The following LEPR variants were observed in gnomAD, a reference collection of about 807,000 sequenced individuals.
LEPR encodes leptin receptor.
Under a neutral mutation model 114.7 loss-of-function variants are expected in LEPR, and 56 were observed. The ratio of observed to expected loss-of-function variants is 0.49; its 90% CI spans 0.39 to 0.61. The LOEUF (loss-of-function observed/expected upper bound fraction) is 0.61, where lower values mean the gene tolerates loss of function less well. LEPR is among the 20% of genes least tolerant of loss of function. The pLI is 0.00. For synonymous variants in LEPR, 443 were observed against 461.4 expected, an observed-to-expected ratio of 0.96 and a Z score of 0.51; for missense variants, 1,202 against 1,352.9, an observed-to-expected ratio of 0.89 and a Z score of 1.75.
chr1:65,518,855 T>TTTTC (rs796456090), intron 2 of LEPR, among the ~76,000 whole-genome samples: 15 of 144,430 alleles, frequency 1.0e-4, no homozygotes, highest in South Asian at 2.3e-4. Context: ...TCTTTTTCTC[T>TTTTC]TTTCTTTCTT....
intron 2 of LEPR, among the ~76,000 whole-genome samples, chr1:65,531,802 GCCTTCCTC>G (rs1650421439): frequency 6.6e-6 from 1 of 151,650 alleles, no homozygotes. Flanking sequence ...CTTCCTTCCT[GCCTTCCTC>G]CCTTCCTTCT....
chr1:65,426,358 A>C (rs1236375720), intron 2 of LEPR, among the ~76,000 whole-genome samples: 4 of 152,170 alleles, frequency 2.6e-5, no homozygotes, highest in African/African-American at 9.7e-5. Context: ...TTAGGGCTCT[A>C]TATGCCTGCC....
chr1:65,482,259 A>G (rs983499359), intron 2 of LEPR, among the ~76,000 whole-genome samples: 1 of 152,164 alleles, frequency 6.6e-6, no homozygotes, highest in African/African-American at 2.4e-5. Context: ...GAATTTGTAG[A>G]CAAAATATTT....
chr1:65,546,759 G>T (rs1651768019), intron 2 of LEPR, among the ~76,000 whole-genome samples: 1 of 152,148 alleles, frequency 6.6e-6, no homozygotes. Context: ...TGCAAACAGG[G>T]ACAATTTGAC....
chr1:65,429,688 T>G (rs1159240961), intron 2 of LEPR, among the ~76,000 whole-genome samples: 1 of 152,232 alleles, frequency 6.6e-6, no homozygotes, highest in Non-Finnish European at 1.5e-5. Flanking sequence ...ATTTTAAAAT[T>G]ATCACTACTT....
chr1:65,604,910 C>A, intron 10 of LEPR, 128 bp from the exon 11 acceptor site: 3 of 1,123,936 alleles, frequency 2.7e-6, no homozygotes, highest in Non-Finnish European at 3.8e-6. Context: ...AATTGTCTTC[C>A]ATGAAACCGG....
chr1:65,453,150 T>C (rs1448367394), intron 2 of LEPR, among the ~76,000 whole-genome samples: 1 of 152,216 alleles, frequency 6.6e-6, no homozygotes, highest in Non-Finnish European at 1.5e-5. Context: ...TTTTATTGCG[T>C]CTATTAGATT....
At chr1:65,509,038 T>A (rs1188041267) in intron 2 of LEPR, among the ~76,000 whole-genome samples, 1 of 152,210 alleles carries the variant, frequency 6.6e-6, no homozygotes, top group Non-Finnish European at 1.5e-5. Context: ...GTTAATTTTG[T>A]ATCCTGCAAC....
intron 19 of LEPR, chr1:65,629,399 T>G (rs1658399377): frequency 2.3e-6 from 1 of 440,856 alleles, no homozygotes; most frequent in Admixed American, 2.5e-5. Flanking sequence ...GAAAAACTAA[T>G]AAACTGAATT....
At chr1:65,526,284 T>C (rs2100597738) in intron 2 of LEPR, 1 of 985,356 alleles carries the variant, frequency 1.0e-6, no homozygotes, top group South Asian at 4.7e-5. Flanking sequence ...CAGCTTTTGT[T>C]TCCCACCTCC....
Position 65,526,518 on chromosome 1 carries a change from G to C in LEPR, c.-20-39028G>C, listed in dbSNP as rs1462663155. ...GTTTGCAAACAGATTAGAATTCTGG[G>C]CTCTTGTCAGCCTAATGGAGTTCTT... On this transcript the variant is annotated intron_variant, in intron 2 of 19. Transcript: ENST00000349533. 5 of 710,900 alleles carry C rather than the reference G, an allele frequency of 7.0e-6. No homozygotes were observed. The African/African-American group carries it at 9.7e-5, about 14-fold the overall frequency. The allele number at this position is 710,900 out of a possible 1,614,324, so 44.0% of individuals were successfully genotyped here.
intron 2 of LEPR, among the ~76,000 whole-genome samples, chr1:65,505,740 G>A (rs935948533): frequency 7.9e-6 from 1 of 127,158 alleles, no homozygotes; most frequent in African/African-American, 3.0e-5. Context: ...TAGTCTCTAG[G>A]TAACTCACCA....
intron 3 of LEPR, among the ~76,000 whole-genome samples, chr1:65,569,563 C>T (rs975238416): frequency 2.0e-5 from 3 of 151,668 alleles, no homozygotes; most frequent in East Asian, 1.9e-4. Context: ...AAAAATTAAC[C>T]GGGTGTGGTG....
intron 2 of LEPR, among the ~76,000 whole-genome samples, chr1:65,451,752 G>A (rs1437429288): frequency 6.6e-6 from 1 of 151,762 alleles, no homozygotes; most frequent in East Asian, 1.9e-4. Flanking sequence ...GATTGACTTG[G>A]TGATGCGGGC....
intron 2 of LEPR, 126 bp downstream of exon 2, chr1:65,425,504 T>A: frequency 1.4e-6 from 1 of 691,342 alleles, no homozygotes; most frequent in Non-Finnish European, 2.3e-6. Context: ...GCCCAGTTTA[T>A]GAACACAGTC....
chr1:65,614,427 G>C (rs1235519336), intron 14 of LEPR, among the ~76,000 whole-genome samples: 1 of 152,230 alleles, frequency 6.6e-6, no homozygotes, highest in Non-Finnish European at 1.5e-5. Context: ...ACTGAAGGTG[G>C]TGGGAGAAAA....
intron 2 of LEPR, among the ~76,000 whole-genome samples, chr1:65,441,372 T>C (rs1331170986): frequency 6.6e-6 from 1 of 152,144 alleles, no homozygotes; most frequent in South Asian, 2.1e-4. Flanking sequence ...GAGCTGACTT[T>C]GGTGCCATTT....
intron 1 of LEPR, among the ~76,000 whole-genome samples, chr1:65,423,020 C>T (rs1440340923): frequency 6.6e-6 from 1 of 152,150 alleles, no homozygotes; most frequent in East Asian, 1.9e-4. Context: ...GTCACCTTGA[C>T]CTACTGATTC....
chr1:65,593,795 G>A (rs1235996750), intron 6 of LEPR, among the ~76,000 whole-genome samples: 2 of 152,038 alleles, frequency 1.3e-5, no homozygotes, highest in African/African-American at 4.8e-5. Flanking sequence ...AATTACAATG[G>A]CATACAAGCA....
Sources: allele counts gnomAD v4.1 joint callset (sites outside exome capture counted in the v4.1 genomes callset), GRCh38; gene constraint gnomAD v4.1.1; transcripts MANE v1.5; gene names NCBI Gene and HGNC (gene_info 2026-07-23, HGNC 2026-07-21).